The following PPM1F variants were observed in gnomAD, a reference collection of about 807,000 sequenced individuals.
The protein encoded by PPM1F is protein phosphatase 1F.
In PPM1F, 17 loss-of-function variants were observed where a neutral mutation model predicts 35.5. The ratio of observed to expected loss-of-function variants is 0.48; its 90% CI spans 0.33 to 0.72. The LOEUF is 0.72. Ranked by LOEUF, PPM1F falls within the 30% of genes least tolerant of loss-of-function variation. PPM1F has a pLI of 0.02. For missense variants in PPM1F, 521 were observed against 613.0 expected, an observed-to-expected ratio of 0.85 and a Z score of 1.59; for synonymous variants, 241 against 255.5, an observed-to-expected ratio of 0.94 and a Z score of 0.54.
At position 21,923,182 on chromosome 22, in the gene PPM1F, C is replaced by T; in HGVS notation, c.1275G>A (p.Gln425=). 6.2e-7 allele frequency: 1 copy of T among 1,613,724 alleles called. No individual in the cohort carries two copies. The highest frequency in any genetic ancestry group is 8.5e-7 in the Non-Finnish European group (1 of 1,179,970). ...DPQELLEGGN[Q]GEGDPQAEGR... is the part of the protein sequence containing the mutation. ...CTTCTGCCTGGGGGTCCCCTTCTCCCTGGTTCCCGCCCTCCAGCAGCTCTT... is the reference window on the plus strand; with the variant it reads ...CTTCTGCCTGGGGGTCCCCTTCTCCTTGGTTCCCGCCCTCCAGCAGCTCTT... Residue 425 remains glutamine (Q), a synonymous_variant, in exon 8 of 8, where the codon CAG becomes CAA. Coordinates refer to ENST00000263212, the MANE Select transcript of PPM1F (RefSeq NM_014634.4).
intron 5 of PPM1F, 102 bp from the exon 6 acceptor site, chr22:21,931,393 A>C (rs1433960808): frequency 5.9e-6 from 7 of 1,195,416 alleles, no homozygotes; most frequent in African/African-American, 1.5e-5. Context: ...TACTTCCGTT[A>C]CTGTGGTGAG....
intron 6 of PPM1F, chr22:21,926,062 T>C (rs1020591364): frequency 2.1e-5 from 4 of 187,846 alleles, no homozygotes; most frequent in African/African-American, 2.3e-5. Flanking sequence ...AGATGGAGCA[T>C]GTGACGTGAG....
chr22:21,936,661 T>C (rs2070662904), intron 3 of PPM1F: 1 of 152,222 alleles, frequency 6.6e-6, no homozygotes, highest in Non-Finnish European at 1.5e-5. Context: ...CAATCTGAGC[T>C]GTGAGGATGC....
chr22:21,940,852 C>G (rs924318917), intron 2 of PPM1F, among the ~76,000 whole-genome samples: 6 of 152,172 alleles, frequency 3.9e-5, no homozygotes, highest in African/African-American at 1.2e-4. Context: ...GGGAACAGGG[C>G]AGGCCAAGCT....
chr22:21,927,113 A>G (rs559632122), intron 6 of PPM1F, among the ~76,000 whole-genome samples: 48 of 152,284 alleles, frequency 3.2e-4, no homozygotes, highest in African/African-American at 1.1e-3. Context: ...GGGGGCAGGA[A>G]CAGGGACCTC....
intron 2 of PPM1F, chr22:21,945,483 A>G: frequency 3.8e-6 from 1 of 261,056 alleles, no homozygotes; most frequent in South Asian, 4.5e-5. Context: ...TGCCGTGTGC[A>G]ACAAGGCCAG....
At chr22:21,945,418 A>G (rs1035639399) in intron 2 of PPM1F, 2 of 168,986 alleles carry the variant, frequency 1.2e-5, no homozygotes, top group African/African-American at 4.8e-5. Context: ...GGAGTCACAG[A>G]CACACAGCAG....
chr22:21,931,219 C>T lies in PPM1F; in HGVS notation c.820G>A (p.Asp274Asn), dbSNP rs1294621028. Residue 274 changes from aspartate (D) to asparagine (N), a missense_variant, in exon 6 of 8, where the codon GAT (aspartate) becomes AAT (asparagine). This residue lies in a region of PPM1F where 47 missense variants were observed against 92.0 expected (regional missense o/e 0.51). Coordinates refer to ENST00000263212, the MANE Select transcript of PPM1F (RefSeq NM_014634.4). Reference protein sequence around the residue: ...GATLHVAWLGDSQVILVQQGQ... With the variant: ...GATLHVAWLGNSQVILVQQGQ... Reference sequence around the variant, plus strand: ...TGCTGTACCAAAATGACCTGGGAATCCCCGAGCCAGGCGACGTGCAGGGTC... The same window carrying T: ...TGCTGTACCAAAATGACCTGGGAATTCCCGAGCCAGGCGACGTGCAGGGTC... 2 of 1,614,124 alleles carry T rather than the reference C, an allele frequency of 1.2e-6. No individual in the cohort carries two copies. Among genetic ancestry groups the T allele is most frequent in the South Asian group, 1.1e-5 (1 of 91,090 alleles).
intron 1 of PPM1F, chr22:21,949,747 C>G (rs1472170709): frequency 6.6e-6 from 1 of 152,414 alleles, no homozygotes; most frequent in Non-Finnish European, 1.5e-5. Flanking sequence ...ACTCCTGCAT[C>G]CCAGCACCGC....
intron 6 of PPM1F, among the ~76,000 whole-genome samples, chr22:21,927,757 C>T (rs991236368): frequency 2.0e-5 from 3 of 152,180 alleles, no homozygotes; most frequent in Non-Finnish European, 4.4e-5. Flanking sequence ...GCGCCGGCTC[C>T]CCGGGCTCGC....
At chr22:21,923,529 C>T (rs2070473831) in intron 7 of PPM1F, 58 bp from the exon 8 acceptor site, 3 of 1,536,518 alleles carry the variant, frequency 2.0e-6, no homozygotes, top group Admixed American at 3.8e-5. Flanking sequence ...GCTTCCTCCC[C>T]ACCTACCCAG....
At position 21,939,828 on chromosome 22, in the gene PPM1F, G is replaced by T; in HGVS notation, c.207-148C>A. The T allele has an allele frequency of 1.1e-6, 1 of 895,348 alleles. No homozygotes were observed. The highest frequency in any genetic ancestry group is 1.7e-6 in the Non-Finnish European group (1 of 597,780). 55.5% of individuals were successfully genotyped at this position (895,348 alleles called of 1,614,324 possible). On this transcript the variant is annotated intron_variant, in intron 2 of 7. Coordinates refer to ENST00000263212, the MANE Select transcript of PPM1F (RefSeq NM_014634.4). This position sits in a 1 kb window ranked among gnomAD's most constrained non-coding sequence, Gnocchi z 5.1. Reference sequence around the variant, plus strand: ...GGGAGCTGGGACAGGAAGGTCACAGGACAGCAAAGGCAGACGCACAACCAT... The same window carrying T: ...GGGAGCTGGGACAGGAAGGTCACAGTACAGCAAAGGCAGACGCACAACCAT...
Position 21,930,528 on chromosome 22 carries a change from C to T in PPM1F, c.891+620G>A, listed in dbSNP as rs114327012. The stretch of plus-strand genomic sequence containing the variant: ...AAGGATGGGTGCTCCTATGTGCTGA[C>T]GTAGAATTATCCACCATGTGCATGG... On this transcript the variant is annotated intron_variant, in intron 6 of 7. Coordinates refer to ENST00000263212, the MANE Select transcript of PPM1F (RefSeq NM_014634.4). Among the ~76,000 whole-genome samples, 731 of 152,292 alleles carry T rather than the reference C, an allele frequency of 4.8e-3. 5 individuals are homozygous for T. Among genetic ancestry groups the T allele is most frequent in the African/African-American group, 0.017 (710 of 41,570 alleles).
rs888960838 is a variant in PPM1F, at chr22:21,922,825, C to G, written c.*267G>C. 11 of 461,850 alleles carry G rather than the reference C, an allele frequency of 2.4e-5. No homozygotes were observed. The highest frequency in any genetic ancestry group is 4.2e-5 in the Non-Finnish European group (11 of 260,130). The allele number at this position is 461,850 out of a possible 1,614,324, so 28.6% of individuals were successfully genotyped here. The stretch of plus-strand genomic sequence containing the variant: ...CTATGACCTCTGGTCCCACCCCGGG[C>G]CTAATAGGAGCTGGGAGCAAGAGCC... On this transcript the variant is annotated 3_prime_UTR_variant, in exon 8 of 8. Coordinates refer to ENST00000263212, the MANE Select transcript of PPM1F (RefSeq NM_014634.4).
intron 1 of PPM1F, chr22:21,947,145 G>GCTCCGA (rs1255713148): frequency 6.6e-5 from 10 of 152,552 alleles, no homozygotes; most frequent in Admixed American, 6.5e-4. Context: ...GGTGGCTCTG[G>GCTCCGA]CTCCTCTTCT....
At chr22:21,936,374 C>T (rs914663907) in intron 3 of PPM1F, 10 of 151,954 alleles carry the variant, frequency 6.6e-5, no homozygotes, top group Non-Finnish European at 8.8e-5. Flanking sequence ...GGCAGTTCCA[C>T]GGACAGCTTT....
Position 21,920,750 on chromosome 22 carries a change from A to T in PPM1F, c.*2342T>A, listed in dbSNP as rs917088397. The T allele has an allele frequency of 2.0e-5, 3 of 152,236 alleles. No homozygotes were observed. The highest frequency in any genetic ancestry group is 7.2e-5 in the African/African-American group (3 of 41,460). The allele number at this position is 152,236 out of a possible 1,614,324, so 9.4% of individuals were successfully genotyped here. ...CTCAGGCTAGGGTATGAATCAGACC[A>T]CCAGGTGATAGGAGCCAAACCTCCA... On this transcript the variant is annotated 3_prime_UTR_variant, in exon 8 of 8. Coordinates refer to ENST00000263212, the MANE Select transcript of PPM1F (RefSeq NM_014634.4).
At chr22:21,935,483 A>G (rs1424187001) in intron 3 of PPM1F, 3 of 152,200 alleles carry the variant, frequency 2.0e-5, no homozygotes. Context: ...TTACCATTGG[A>G]GGAAACTGGG....
chr22:21,951,117 T>C (rs2070832303), intron 1 of PPM1F: 1 of 152,180 alleles, frequency 6.6e-6, no homozygotes, highest in Non-Finnish European at 1.5e-5. Flanking sequence ...GTCACATTGC[T>C]GTGCAATGAC....
Sources: gnomAD v4.1 joint callset for allele counts (sites outside exome capture counted in the v4.1 genomes callset) on GRCh38, gnomAD v4.1.1 for gene constraint, gnomAD v4.1.1 regional missense constraint, Gnocchi (gnomAD v3.1) non-coding constraint, MANE v1.5 for transcripts, NCBI Gene and HGNC (gene_info 2026-07-23, HGNC 2026-07-21) for gene names.